The following CYLD variants were observed in gnomAD, a reference collection of about 807,000 sequenced individuals.
The protein encoded by CYLD is CYLD lysine 63 deubiquitinase.
CYLD carries 26 observed loss-of-function variants against 104.5 expected under a neutral mutation model. The ratio of observed to expected loss-of-function variants is 0.25; its 90% CI spans 0.18 to 0.35. The LOEUF (loss-of-function observed/expected upper bound fraction) is 0.35, where lower values mean the gene tolerates loss of function less well. Among genes scored for constraint, CYLD ranks in the 10% least tolerant of loss-of-function variants. The pLI is 1.00. For synonymous variants in CYLD, 385 were observed against 399.9 expected, an observed-to-expected ratio of 0.96 and a Z score of 0.45; for missense variants, 703 against 1,136.1, an observed-to-expected ratio of 0.62 and a Z score of 5.48.
rs185539553 is a variant in CYLD at position 50,747,004 on chromosome 16, G to T, written c.-123-2572G>T. 1.3e-4 allele frequency among the ~76,000 whole-genome samples: 20 copies of T among 152,146 alleles called. No homozygotes were observed. In the East Asian group the frequency reaches 3.9e-3, roughly 29 times the overall value. Reference sequence around the variant, plus strand: ...CATTGTTCTTAGGAATTTTAAAAAAGAATTTCTTTTCAAAATAGAATTACT... The same window carrying T: ...CATTGTTCTTAGGAATTTTAAAAAATAATTTCTTTTCAAAATAGAATTACT... On this transcript the variant is annotated intron_variant, in intron 2 of 18. Transcript: ENST00000427738.
intron 5 of CYLD, among the ~76,000 whole-genome samples, chr16:50,754,633 T>G (rs1966846038): frequency 7.0e-6 from 1 of 143,304 alleles, no homozygotes; most frequent in Non-Finnish European, 1.5e-5. Context: ...CCACCCCCCA[T>G]TCTTTCCCCC....
rs1972204523 is a variant in CYLD at position 50,798,257 on chromosome 16, T to C, written c.*1749T>C. On this transcript the variant is annotated 3_prime_UTR_variant, in exon 19 of 19. Transcript: ENST00000427738. ...GAATCTAAATGAAGCCAGCCCTCGG[T>C]ATCTGCAGGTTTCTCATCCATGGAT... The C allele has an allele frequency of 4.3e-6, 1 of 232,138 alleles. No individual in the cohort carries two copies. The highest frequency in any genetic ancestry group is 2.2e-5 in the African/African-American group (1 of 45,298). The allele number at this position is 232,138 out of a possible 1,614,324, so 14.4% of individuals were successfully genotyped here. A position where few individuals can be genotyped will look rare whatever the true frequency, so the allele number is the denominator to read the frequency against.
intron 2 of CYLD, among the ~76,000 whole-genome samples, chr16:50,746,387 G>C (rs917832501): frequency 1.3e-5 from 2 of 152,144 alleles, no homozygotes; most frequent in African/African-American, 4.8e-5. Context: ...CTCTAGACTC[G>C]AGCCGTAAAG....
rs1349678559 is a variant in CYLD at position 50,796,791 on chromosome 16, T to C, written c.*283T>C. On this transcript the variant is annotated 3_prime_UTR_variant, in exon 19 of 19. Transcript: ENST00000427738. ...CTTTAAGTTAAGTGCATTGATCATA[T>C]GATATTTTTGGAAGCATACAATTTT... 4.7e-6 allele frequency: 2 copies of C among 429,402 alleles called. No homozygotes were observed. The highest frequency in any genetic ancestry group is 3.8e-5 in the Admixed American group (1 of 26,522). 26.6% of individuals were successfully genotyped at this position (429,402 alleles called of 1,614,324 possible).
At chr16:50,763,598 G>T (rs999454326) in intron 5 of CYLD, among the ~76,000 whole-genome samples, 1 of 152,098 alleles carries the variant, frequency 6.6e-6, no homozygotes, top group Non-Finnish European at 1.5e-5. Flanking sequence ...ATTGACTTTC[G>T]TGTGCTGATT....
intron 5 of CYLD, among the ~76,000 whole-genome samples, chr16:50,774,662 G>A (rs563579846): frequency 1.3e-5 from 2 of 152,300 alleles, no homozygotes; most frequent in East Asian, 3.9e-4. Flanking sequence ...TGCTGGACGG[G>A]GATGGGTTAC....
At chr16:50,748,880 C>T (rs1200833658) in intron 2 of CYLD, among the ~76,000 whole-genome samples, 2 of 152,066 alleles carry the variant, frequency 1.3e-5, no homozygotes, top group African/African-American at 4.8e-5. Context: ...CAGCTCAGCC[C>T]GAAACGCTAC....
chr16:50,757,094 A>C (rs3135502), intron 5 of CYLD, among the ~76,000 whole-genome samples: 3,243 of 152,264 alleles, frequency 0.021, 48 homozygotes, highest in Non-Finnish European at 0.028. Flanking sequence ...TTGAATAAGC[A>C]AACTGAATTG....
intron 12 of CYLD, 43 bp from the exon 13 acceptor site, chr16:50,786,807 ATAATT>A: frequency 1.6e-6 from 2 of 1,289,666 alleles, no homozygotes; most frequent in Non-Finnish European, 2.3e-6. Flanking sequence ...GATGTGTTAT[ATAATT>A]TAATACATGC....
intron 5 of CYLD, among the ~76,000 whole-genome samples, chr16:50,768,788 T>G (rs1347696908): frequency 6.6e-6 from 1 of 152,184 alleles, no homozygotes; most frequent in Non-Finnish European, 1.5e-5. Flanking sequence ...AATGCTGTTT[T>G]TTTGACGATC....
At chr16:50,780,172 C>T in intron 9 of CYLD, 128 bp downstream of exon 9, 1 of 1,183,400 alleles carries the variant, frequency 8.5e-7, no homozygotes, top group Non-Finnish European at 1.2e-6. Flanking sequence ...GAATAATTTT[C>T]TCACCATGTT....
chr16:50,768,784 GT>G (rs201819493), intron 5 of CYLD, among the ~76,000 whole-genome samples: 3,248 of 152,166 alleles, frequency 0.021, 103 homozygotes, highest in African/African-American at 0.074. Context: ...GTATAATGCT[GT>G]TTTTTTGACG....
intron 6 of CYLD, among the ~76,000 whole-genome samples, chr16:50,775,486 G>A (rs190534583): frequency 2.0e-5 from 3 of 152,148 alleles, no homozygotes; most frequent in East Asian, 1.9e-4. Context: ...ATAAGTGTTT[G>A]TATACACATC....
In CYLD at chr16:50,782,324, G is replaced by T. The variant is rs1970302920; in HGVS notation, c.1685-1G>T. On this transcript the variant is annotated splice_acceptor_variant, in intron 10 of 18. Transcript: ENST00000427738. LOFTEE classifies it high-confidence loss of function. ...TACTTTTTTTAAAAAAATCTTTTCAGCATTTGGAGGCTACTTAAGTGAAGT... is the reference window on the plus strand; with the variant it reads ...TACTTTTTTTAAAAAAATCTTTTCATCATTTGGAGGCTACTTAAGTGAAGT... 1 of 1,600,530 alleles carries T rather than the reference G, an allele frequency of 6.2e-7. No individual in the cohort carries two copies. Among genetic ancestry groups the T allele is most frequent in the Non-Finnish European group, 8.5e-7 (1 of 1,170,084 alleles).
chr16:50,747,655 A>G (rs899198614), intron 2 of CYLD, among the ~76,000 whole-genome samples: 2 of 152,228 alleles, frequency 1.3e-5, no homozygotes, highest in Non-Finnish European at 2.9e-5. Context: ...GGCAGCCCTT[A>G]TAAGGAGTTT....
intron 5 of CYLD, among the ~76,000 whole-genome samples, chr16:50,767,731 G>C (rs559206594): frequency 5.3e-5 from 8 of 152,072 alleles, no homozygotes; most frequent in South Asian, 4.2e-4. Flanking sequence ...TTCTCAGTTG[G>C]CTGTAGAATA....
rs2151041240 is a variant in CYLD at position 50,794,715 on chromosome 16, G to C, written c.2686+287G>C. 1 of 425,192 alleles carries C rather than the reference G, an allele frequency of 2.4e-6. No homozygotes were observed. The highest frequency in any genetic ancestry group is 2.0e-5 in the African/African-American group (1 of 49,370). 26.3% of individuals were successfully genotyped at this position (425,192 alleles called of 1,614,324 possible). On this transcript the variant is annotated intron_variant, in intron 18 of 18. Coordinates refer to ENST00000427738, the MANE Select transcript of CYLD (RefSeq NM_001378743.1). This position sits in a 1 kb window ranked among gnomAD's most constrained non-coding sequence, Gnocchi z 4.1. ...GGCTCATTGCAACCTCCACCTCTCAGGTTCAAGCAATCCTCCCACCTCAGC... is the reference window on the plus strand; with the variant it reads ...GGCTCATTGCAACCTCCACCTCTCACGTTCAAGCAATCCTCCCACCTCAGC...
intron 2 of CYLD, among the ~76,000 whole-genome samples, chr16:50,743,544 C>T (rs1965902648): frequency 6.6e-6 from 1 of 152,164 alleles, no homozygotes; most frequent in Non-Finnish European, 1.5e-5. Context: ...CATTAAGCAG[C>T]AATGATTTTT....
chr16:50,754,127 T>G (rs1966837176), intron 4 of CYLD, among the ~76,000 whole-genome samples, 192 bp from the exon 5 acceptor site: 1 of 152,164 alleles, frequency 6.6e-6, no homozygotes, highest in African/African-American at 2.4e-5. Context: ...AAGAAAAAAA[T>G]GAACAAACCA....
Sources: gnomAD v4.1 joint callset for allele counts (sites outside exome capture counted in the v4.1 genomes callset) on GRCh38, gnomAD v4.1.1 for gene constraint, Gnocchi (gnomAD v3.1) non-coding constraint, MANE v1.5 for transcripts, NCBI Gene and HGNC (gene_info 2026-07-23, HGNC 2026-07-21) for gene names.